Variants in AOPEP observed in about 807,000 individuals in gnomAD.
AOPEP encodes aminopeptidase O (putative), also known as aminopeptidase O.
AOPEP carries 77 observed loss-of-function variants against 98.1 expected under a neutral mutation model. The ratio of observed to expected loss-of-function variants is 0.78; its 90% CI spans 0.65 to 0.95. The LOEUF is 0.95. AOPEP is among the 40% of genes least tolerant of loss of function. The pLI, the probability that AOPEP is intolerant of heterozygous loss-of-function variation, is 0.00. For missense variants in AOPEP, 1,024 were observed against 1,024.7 expected, an observed-to-expected ratio of 1.00 and a Z score of 0.01; for synonymous variants, 346 against 365.3, an observed-to-expected ratio of 0.95 and a Z score of 0.60.
chr9:95,022,129 G>A (rs1166893467), intron 13 of AOPEP: 1 of 152,106 alleles, frequency 6.6e-6, no homozygotes, highest in African/African-American at 2.4e-5. Flanking sequence ...CCTGTTTTGA[G>A]ATCATACACT....
downstream of AOPEP, among the ~76,000 whole-genome samples, chr9:95,091,972 C>A (rs2070873270): frequency 6.6e-6 from 1 of 151,914 alleles, no homozygotes; most frequent in Non-Finnish European, 1.5e-5. Context: ...TCACATAGAT[C>A]CAGAAGAGAA....
chr9:94,837,960 G>A (rs1359022165), intron 5 of AOPEP, among the ~76,000 whole-genome samples: 1 of 152,160 alleles, frequency 6.6e-6, no homozygotes, highest in African/African-American at 2.4e-5. Context: ...TGGTAAAGAG[G>A]AAATCAAATT....
At chr9:94,815,657 T>A (rs2134063951) in intron 5 of AOPEP, among the ~76,000 whole-genome samples, 1 of 152,212 alleles carries the variant, frequency 6.6e-6, no homozygotes, top group South Asian at 2.1e-4. Context: ...CTGCGACAGA[T>A]CTTATCCCAA....
chr9:94,962,658 T>G (rs142786977), intron 9 of AOPEP, among the ~76,000 whole-genome samples: 3,185 of 152,278 alleles, frequency 0.021, 58 homozygotes, highest in Non-Finnish European at 0.03. Flanking sequence ...CTAAAGTTCT[T>G]CCTTTTCCAG....
the AOPEP span, chr9:95,145,208 T>C: frequency 6.6e-6 from 1 of 152,236 alleles, no homozygotes; most frequent in Non-Finnish European, 1.5e-5. Context: ...TGAGCCTGTT[T>C]TGTTTTCCAA....
At chr9:94,973,367 C>G (rs889462827) in intron 10 of AOPEP, among the ~76,000 whole-genome samples, 1 of 152,228 alleles carries the variant, frequency 6.6e-6, no homozygotes, top group Non-Finnish European at 1.5e-5. Flanking sequence ...CGAGCAAATA[C>G]AGGCATGGGC....
chr9:95,128,643 TCTG>T, the AOPEP span, among the ~76,000 whole-genome samples: 1 of 152,330 alleles, frequency 6.6e-6, no homozygotes, highest in Non-Finnish European at 1.5e-5. Context: ...AGAGCTTAGA[TCTG>T]CTCCTCTTCT....
intron 7 of AOPEP, among the ~76,000 whole-genome samples, chr9:94,943,812 C>T (rs749247964): frequency 1.2e-4 from 17 of 145,004 alleles, no homozygotes; most frequent in Admixed American, 1.5e-4. Flanking sequence ...CCCAGCTACT[C>T]GGGAGGCTGA....
intron 11 of AOPEP, among the ~76,000 whole-genome samples, chr9:94,996,593 C>T (rs1276198959): frequency 6.6e-6 from 1 of 152,210 alleles, no homozygotes; most frequent in Non-Finnish European, 1.5e-5. Context: ...GGAGCATCCA[C>T]ATGTCCATGT....
At chr9:94,876,918 G>A (rs1453901486) in intron 5 of AOPEP, among the ~76,000 whole-genome samples, 1 of 152,092 alleles carries the variant, frequency 6.6e-6, no homozygotes, top group Non-Finnish European at 1.5e-5. Context: ...CTGAACCCCT[G>A]GGAGGTCTGA....
chr9:94,883,220 T>C (rs2047797533), intron 5 of AOPEP, among the ~76,000 whole-genome samples: 1 of 152,228 alleles, frequency 6.6e-6, no homozygotes, highest in South Asian at 2.1e-4. Context: ...TACTTCACTC[T>C]TCACTTCTAC....
At chr9:94,817,489 G>T (rs1851966344) in intron 5 of AOPEP, among the ~76,000 whole-genome samples, 1 of 152,208 alleles carries the variant, frequency 6.6e-6, no homozygotes, top group Admixed American at 6.5e-5. Flanking sequence ...AAGCATCCTT[G>T]TTCCCTTGGC....
chr9:94,760,124 G>A lies in AOPEP; in HGVS notation c.341G>A (p.Gly114Asp). Reference sequence around the variant, plus strand: ...GAAAAAGATACTTCTGATAAAGATGGTAACCATGACAACCAGGAACATGCT... The same window carrying A: ...GAAAAAGATACTTCTGATAAAGATGATAACCATGACAACCAGGAACATGCT... Reference protein sequence around the residue: ...KGEKDTSDKDGNHDNQEHASG... With the variant: ...KGEKDTSDKDDNHDNQEHASG... Residue 114 changes from glycine to aspartate, a missense_variant, in exon 2 of 17, where the codon GGT becomes GAT. Physicochemically the swap from Gly to Asp is moderately conservative, Grantham distance 94. Coordinates refer to ENST00000375315, the MANE Select transcript of AOPEP (RefSeq NM_001193329.3). The A allele has an allele frequency of 6.2e-7, 1 of 1,614,168 alleles. No individual in the cohort carries two copies. The highest frequency in any genetic ancestry group is 2.2e-5 in the East Asian group (1 of 44,890).
intron 7 of AOPEP, among the ~76,000 whole-genome samples, chr9:94,942,947 A>C (rs376422619): frequency 6.6e-5 from 10 of 151,980 alleles, no homozygotes; most frequent in South Asian, 4.2e-4. Flanking sequence ...GTAGCATCAA[A>C]GATAATAAGG....
chr9:95,078,390 C>G (rs1425332389), intron 14 of AOPEP, among the ~76,000 whole-genome samples: 2 of 152,214 alleles, frequency 1.3e-5, no homozygotes, highest in East Asian at 3.8e-4. Flanking sequence ...TTCTCACAAT[C>G]AAATCTAAAT....
chr9:94,909,072 G>C (rs764800078), intron 5 of AOPEP, among the ~76,000 whole-genome samples: 4 of 152,078 alleles, frequency 2.6e-5, no homozygotes, highest in African/African-American at 4.8e-5. Context: ...ACTTGCTTTG[G>C]TTTTGCCTGG....
chr9:94,782,278 T>C (rs950625737), intron 3 of AOPEP, among the ~76,000 whole-genome samples: 2 of 152,164 alleles, frequency 1.3e-5, no homozygotes, highest in African/African-American at 4.8e-5. Context: ...GACTGCCTAA[T>C]GGAAGCTCCT....
At chr9:94,870,835 A>G (rs1321999730) in intron 5 of AOPEP, among the ~76,000 whole-genome samples, 1 of 152,168 alleles carries the variant, frequency 6.6e-6, no homozygotes, top group Non-Finnish European at 1.5e-5. Context: ...GTTTTTATAG[A>G]CCTGCCTTTG....
intron 2 of AOPEP, among the ~76,000 whole-genome samples, chr9:94,767,923 G>A (rs779063030): frequency 1.1e-4 from 17 of 152,238 alleles, no homozygotes; most frequent in Non-Finnish European, 1.5e-4. Context: ...GCATGTGTGT[G>A]TATAGGAGAG....
Sources: gnomAD v4.1 joint callset for allele counts (sites outside exome capture counted in the v4.1 genomes callset) on GRCh38, gnomAD v4.1.1 for gene constraint, MANE v1.5 for transcripts, NCBI Gene and HGNC (gene_info 2026-07-23, HGNC 2026-07-21) for gene names.